The following MUCL3 variants were observed in gnomAD, a reference collection of about 807,000 sequenced individuals.
MUCL3 encodes mucin-like protein 3.
In MUCL3, 42 loss-of-function variants were observed where a neutral mutation model predicts 70.2. The ratio of observed to expected loss-of-function variants is 0.60; its 90% CI spans 0.47 to 0.77. MUCL3 has a LOEUF of 0.77. Among genes scored for constraint, MUCL3 ranks in the 30% least tolerant of loss-of-function variants. MUCL3 has a pLI of 0.00. For missense variants in MUCL3, 1,429 were observed against 1,670.0 expected (o/e 0.86, Z 2.52); for synonymous variants, 522 against 647.0 (o/e 0.81, Z 2.93).
chr6:30,951,706 A>G lies in MUCL3; in HGVS notation c.3242A>G (p.Glu1081Gly), dbSNP rs1422124145. The change falls in exon 2 of 3, where the codon GAA becomes GGA. Residue 1081 changes from glutamate to glycine, a missense_variant. Physicochemically the swap from Glu to Gly is moderately conservative, Grantham distance 98. Coordinates refer to ENST00000462446, the MANE Select transcript of MUCL3 (RefSeq NM_080870.4). ...AATGAGAAGATCACACTATCCCCAGAAGGGCCTACAGAACATGGAGCAAAA... is the reference window on the plus strand; with the variant it reads ...AATGAGAAGATCACACTATCCCCAGGAGGGCCTACAGAACATGGAGCAAAA... ...LANEKITLSP[E>G]GPTEHGAKTT... The G allele has an allele frequency of 1.5e-5, 23 of 1,551,410 alleles. No individual in the cohort carries two copies. In the Admixed American group the frequency reaches 3.9e-4, roughly 26 times the overall value.
Position 30,948,813 on chromosome 6 carries a change from G to C in MUCL3, c.349G>C (p.Ala117Pro), listed in dbSNP as rs1760441310. Reference sequence around the variant, plus strand: ...CAAAAGCTCTACAGATAATCATGAGGCTCCTCCCACTTCTGAAGAAAACTC... The same window carrying C: ...CAAAAGCTCTACAGATAATCATGAGCCTCCTCCCACTTCTGAAGAAAACTC... ...DHKSSTDNHE[A>P]PPTSEENSSN... is the part of the protein sequence containing the mutation. The change falls in exon 2 of 3, where the codon GCT becomes CCT. Residue 117 changes from alanine to proline, a missense_variant. Coordinates refer to ENST00000462446, the MANE Select transcript of MUCL3 (RefSeq NM_080870.4). The C allele has an allele frequency of 1.9e-6, 3 of 1,551,576 alleles. No individual in the cohort carries two copies. Among genetic ancestry groups the C allele is most frequent in the East Asian group, 2.4e-5 (1 of 40,924 alleles).
intron 1 of MUCL3, 73 bp downstream of exon 1, chr6:30,941,154 T>C (rs1052660489): frequency 8.6e-6 from 13 of 1,510,120 alleles, no homozygotes; most frequent in Middle Eastern, 3.4e-4. Context: ...GGACAACAAA[T>C]AGAAATGAAT....
Position 30,949,335 on chromosome 6 carries a change from A to G in MUCL3, c.871A>G (p.Arg291Gly), listed in dbSNP as rs1404490534. ...SLAEPTEHGGRTANENNTPSP... is the reference protein window; with the variant it reads ...SLAEPTEHGGGTANENNTPSP... ...AGCAGAGCCTACAGAACATGGAGGA[A>G]GGACAGCCAATGAGAACAACACACC... is the stretch of plus-strand genomic sequence containing the variant. Residue 291 changes from arginine (R) to glycine (G), a missense_variant, in exon 2 of 3, where the codon AGG (arginine) becomes GGG (glycine). Transcript: ENST00000462446. The G allele has an allele frequency of 6.4e-7, 1 of 1,551,806 alleles. No homozygotes were observed. Among genetic ancestry groups the G allele is most frequent in the Admixed American group, 2.0e-5 (1 of 51,018 alleles).
At position 30,953,824 on chromosome 6, in the gene MUCL3, G is replaced by A. The variant is rs1260644713; in HGVS notation, c.*707G>A. 1 of 152,174 alleles carries A rather than the reference G, an allele frequency of 6.6e-6. No homozygotes were observed. The highest frequency in any genetic ancestry group is 1.5e-5 in the Non-Finnish European group (1 of 68,022). 9.4% of individuals were successfully genotyped at this position (152,174 alleles called of 1,614,324 possible). On this transcript the variant is annotated 3_prime_UTR_variant, in exon 3 of 3. Transcript: ENST00000462446. ...AAATGTCTACAGTGGACGCCCTGTT[G>A]GTTTGGCTTGCTGGGTTGTGGGTGG...
At position 30,951,961 on chromosome 6, in the gene MUCL3, C is replaced by A. The variant is rs1194104482; in HGVS notation, c.3497C>A (p.Ser1166Tyr). Residue 1166 changes from serine to tyrosine, a missense_variant, in exon 2 of 3, where the codon TCC becomes TAC. Physicochemically the swap from Ser to Tyr is moderately radical, Grantham distance 144. Transcript: ENST00000462446. Reference protein sequence around the residue: ...HEKMTQVTEKSTEHPEKTTST... With the variant: ...HEKMTQVTEKYTEHPEKTTST... ...AAGATGACACAAGTCACAGAAAAGT[C>A]CACAGAACACCCAGAAAAGACCACG... The A allele has an allele frequency of 6.2e-7, 1 of 1,612,492 alleles. No homozygotes were observed. Among genetic ancestry groups the A allele is most frequent in the Admixed American group, 1.7e-5 (1 of 59,518 alleles).
rs1460706313 is a variant in MUCL3, at chr6:30,950,378, A to G, written c.1914A>G (p.Pro638=). Reference sequence around the variant, plus strand: ...CCAATGAGAACACCACACCATCCCCAGCAGGGCCTACAGAAAATAGAGAAA... The same window carrying G: ...CCAATGAGAACACCACACCATCCCCGGCAGGGCCTACAGAAAATAGAGAAA... The part of the protein sequence containing the change: ...RTANENTTPS[P]AGPTENREMT... The change falls in exon 2 of 3, where the codon CCA becomes CCG. Residue 638 remains proline, a synonymous_variant. Coordinates refer to ENST00000462446, the MANE Select transcript of MUCL3 (RefSeq NM_080870.4). 2 of 1,550,866 alleles carry G rather than the reference A, an allele frequency of 1.3e-6. No individual in the cohort carries two copies. Among genetic ancestry groups the G allele is most frequent in the Non-Finnish European group, 1.7e-6 (2 of 1,146,662 alleles).
Position 30,950,641 on chromosome 6 carries a change from A to G in MUCL3, c.2177A>G (p.Glu726Gly). The part of the protein sequence containing the change: ...LSPAEPTENR[E>G]RTANEKTTPF... ...CCAGCAGAGCCTACAGAAAATAGAG[A>G]AAGGACAGCCAATGAGAAGACCACA... The change falls in exon 2 of 3, where the codon GAA (glutamate) becomes GGA (glycine). Residue 726 changes from glutamate (E) to glycine (G), a missense_variant. Coordinates refer to ENST00000462446, the MANE Select transcript of MUCL3 (RefSeq NM_080870.4). 1 of 1,535,892 alleles carries G rather than the reference A, an allele frequency of 6.5e-7. No homozygotes were observed. The highest frequency in any genetic ancestry group is 8.8e-7 in the Non-Finnish European group (1 of 1,135,812).
In MUCL3 at chr6:30,951,301, G is replaced by C. The variant is rs199614075; in HGVS notation, c.2837G>C (p.Gly946Ala). 446 of 1,550,278 alleles carry C rather than the reference G, an allele frequency of 2.9e-4. 2 individuals carry two copies. Among genetic ancestry groups the C allele is most frequent in the Middle Eastern group, 2.7e-3 (16 of 6,006 alleles). ...TCCCGAGCAGAGCCTACAGAACATG[G>C]AGAAAGGATAGCCAATGAGAAGGCC... The part of the protein sequence containing the change: ...TPSRAEPTEH[G>A]ERIANEKATP... The change falls in exon 2 of 3, where the codon GGA (glycine) becomes GCA (alanine). Residue 946 changes from glycine (G) to alanine (A), a missense_variant. Physicochemically the swap from Gly to Ala is moderately conservative, Grantham distance 60. Coordinates refer to ENST00000462446, the MANE Select transcript of MUCL3 (RefSeq NM_080870.4).
Position 30,951,546 on chromosome 6 carries a change from C to G in MUCL3, c.3082C>G (p.Pro1028Ala), listed in dbSNP as rs879095920. 2.0e-5 allele frequency: 30 copies of G among 1,537,796 alleles called. No homozygotes were observed. Among genetic ancestry groups the G allele is most frequent in the Non-Finnish European group, 2.5e-5 (29 of 1,142,610 alleles). Residue 1028 changes from proline (P) to alanine (A), a missense_variant, in exon 2 of 3, where the codon CCA becomes GCA. Physicochemically the swap from Pro to Ala is conservative, Grantham distance 27. Transcript: ENST00000462446. ...AEPTEHGERT[P>A]SANEKTIPSP... is the part of the protein sequence containing the mutation. The stretch of plus-strand genomic sequence containing the variant: ...GCCTACAGAACATGGAGAAAGGACA[C>G]CATCAGCCAATGAGAAGACCATACC...
chr6:30,946,991 G>A (rs1484662673), intron 1 of MUCL3, among the ~76,000 whole-genome samples: 18 of 152,178 alleles, frequency 1.2e-4, no homozygotes, highest in Admixed American at 1.2e-3. Context: ...CATTGCTATT[G>A]TTGTGGGACT....
In MUCL3 at chr6:30,952,101, G is replaced by C. The variant is rs11970154; in HGVS notation, c.3637G>C (p.Gly1213Arg). 0.13 allele frequency: 211,726 copies of C among 1,607,738 alleles called. 16,794 individuals are homozygous for C. Among genetic ancestry groups the C allele is most frequent in the African/African-American group, 0.36 (26,985 of 73,984 alleles). ...PVPEKPTENLGNTTLTTETIK... is the reference protein window; with the variant it reads ...PVPEKPTENLRNTTLTTETIK... ...CCCAGAAAAGCCTACAGAAAACCTG[G>C]GGAACACCACACTGACCACTGAGAC... The change falls in exon 2 of 3, where the codon GGG (glycine) becomes CGG (arginine). Residue 1213 changes from glycine to arginine, a missense_variant. By Grantham distance (125) the Gly-to-Arg change is moderately radical. Coordinates refer to ENST00000462446, the MANE Select transcript of MUCL3 (RefSeq NM_080870.4).
At position 30,950,332 on chromosome 6, in the gene MUCL3, C is replaced by T; in HGVS notation, c.1868C>T (p.Thr623Ile). The change falls in exon 2 of 3, where the codon ACA (threonine) becomes ATA (isoleucine). Residue 623 changes from threonine (T) to isoleucine (I), a missense_variant. Physicochemically the swap from Thr to Ile is moderately conservative, Grantham distance 89. Coordinates refer to ENST00000462446, the MANE Select transcript of MUCL3 (RefSeq NM_080870.4). ...ACCACACCATCCCCGGCAGAGCCTA[C>T]AGAAAATAGAGAAAGGACAGCCAAT... ...ENTTPSPAEP[T>I]ENRERTANEN... 1 of 1,549,556 alleles carries T rather than the reference C, an allele frequency of 6.5e-7. No homozygotes were observed. The highest frequency in any genetic ancestry group is 8.7e-7 in the Non-Finnish European group (1 of 1,146,668).
At position 30,941,010 on chromosome 6, in the gene MUCL3, C is replaced by T. The variant is rs566029032; in HGVS notation, c.11C>T (p.Pro4Leu). 1.4e-5 allele frequency: 21 copies of T among 1,549,894 alleles called. No homozygotes were observed. The highest frequency in any genetic ancestry group is 1.6e-5 in the Non-Finnish European group (18 of 1,146,996). Residue 4 changes from proline to leucine, a missense_variant, in exon 1 of 3, where the codon CCG becomes CTG. Transcript: ENST00000462446. ...CCACCCAGCTCCGACATGGCCCAGCCGGTCCACAGCCTCTGCTCCGCCTTT... is the reference window on the plus strand; with the variant it reads ...CCACCCAGCTCCGACATGGCCCAGCTGGTCCACAGCCTCTGCTCCGCCTTT... MAQ[P>L]VHSLCSAFGL...
intron 1 of MUCL3, among the ~76,000 whole-genome samples, chr6:30,944,262 CTCTT>C (rs1383783642): frequency 6.7e-5 from 10 of 150,324 alleles, no homozygotes; most frequent in Non-Finnish European, 1.2e-4. Context: ...CTTTCCCTTT[CTCTT>C]TCTTTCTTTC....
rs1760474199 is a variant in MUCL3 at position 30,949,301 on chromosome 6, A to G, written c.837A>G (p.Thr279=). Residue 279 remains threonine (T), a synonymous_variant, in exon 2 of 3, where the codon ACA becomes ACG. Coordinates refer to ENST00000462446, the MANE Select transcript of MUCL3 (RefSeq NM_080870.4). Reference sequence around the variant, plus strand: ...AGACCATATCAGCCAATGAGCTCACACAATCTCTAGCAGAGCCTACAGAAC... The same window carrying G: ...AGACCATATCAGCCAATGAGCTCACGCAATCTCTAGCAGAGCCTACAGAAC... ...IQETISANEL[T]QSLAEPTEHG... is the part of the protein sequence containing the mutation. 2 of 1,551,796 alleles carry G rather than the reference A, an allele frequency of 1.3e-6. No homozygotes were observed. The highest frequency in any genetic ancestry group is 1.7e-6 in the Non-Finnish European group (2 of 1,147,016).
In MUCL3 at chr6:30,953,320, A is replaced by C. The variant is rs1760810855; in HGVS notation, c.*203A>C. 5 of 683,828 alleles carry C rather than the reference A, an allele frequency of 7.3e-6. No homozygotes were observed. Among genetic ancestry groups the C allele is most frequent in the Admixed American group, 3.0e-5 (1 of 32,916 alleles). 42.4% of individuals were successfully genotyped at this position (683,828 alleles called of 1,614,324 possible). On this transcript the variant is annotated 3_prime_UTR_variant, in exon 3 of 3. Coordinates refer to ENST00000462446, the MANE Select transcript of MUCL3 (RefSeq NM_080870.4). ...AGGGTGTAAGTTTAGGGGACAAAGA[A>C]GAAAGAATGAATAATACGAGCAGAC...
In MUCL3 at chr6:30,948,765, G is replaced by T. The variant is rs928712181; in HGVS notation, c.301G>T (p.Gly101Cys). ...RHSKPTDKPTGNSKTIDHKSS... is the reference protein window; with the variant it reads ...RHSKPTDKPTCNSKTIDHKSS... ...TTCTAAGCCAACTGACAAGCCTACA[G>T]GCAACTCCAAAACTATAGACCACAA... Residue 101 changes from glycine to cysteine, a missense_variant, in exon 2 of 3, where the codon GGC becomes TGC. Coordinates refer to ENST00000462446, the MANE Select transcript of MUCL3 (RefSeq NM_080870.4). 1 of 1,551,584 alleles carries T rather than the reference G, an allele frequency of 6.4e-7. No individual in the cohort carries two copies. Among genetic ancestry groups the T allele is most frequent in the Non-Finnish European group, 8.7e-7 (1 of 1,146,968 alleles).
Position 30,948,662 on chromosome 6 carries a change from T to G in MUCL3, c.198T>G (p.His66Gln). 6.4e-7 allele frequency: 1 copy of G among 1,551,698 alleles called. No homozygotes were observed. ...TCCCTTTTGATCACATTGTTCTGCA[T>G]TCAGGACAAAGACCTCCAGAGCTCC... is the stretch of plus-strand genomic sequence containing the variant. ...YSIPFDHIVL[H>Q]SGQRPPELPK... Residue 66 changes from histidine (H) to glutamine (Q), a missense_variant, in exon 2 of 3, where the codon CAT becomes CAG. Physicochemically the swap from His to Gln is conservative, Grantham distance 24. Transcript: ENST00000462446.
At chr6:30,947,239 T>A (rs1183764867) in intron 1 of MUCL3, among the ~76,000 whole-genome samples, 2 of 152,156 alleles carry the variant, frequency 1.3e-5, no homozygotes, top group African/African-American at 4.8e-5. Context: ...ATTGGGACAG[T>A]GGAGTGCAGG....
Sources: allele counts gnomAD v4.1 joint callset (sites outside exome capture counted in the v4.1 genomes callset), GRCh38; gene constraint gnomAD v4.1.1; transcripts MANE v1.5; gene names NCBI Gene and HGNC (gene_info 2026-07-23, HGNC 2026-07-21).